Variants in SCLY observed in about 807,000 individuals in gnomAD.
The protein encoded by SCLY is selenocysteine lyase.
SCLY carries 38 observed loss-of-function variants against 50.1 expected under a neutral mutation model. That is an observed-to-expected ratio of 0.76 (90% CI 0.59 to 0.99). The LOEUF is 0.99. Ranked by LOEUF, SCLY falls within the 50% of genes least tolerant of loss-of-function variation. The probability of loss-of-function intolerance (pLI) is 0.00; values close to 1 mark genes in which losing one functional copy is unlikely to be tolerated. For missense variants in SCLY, 600 were observed against 620.0 expected (o/e 0.97, Z 0.34); for synonymous variants, 243 against 249.4 (o/e 0.97, Z 0.24).
chr2:238,061,872 A>C (rs990315408), intron 1 of SCLY, among the ~76,000 whole-genome samples: 1 of 152,032 alleles, frequency 6.6e-6, no homozygotes, highest in Non-Finnish European at 1.5e-5. Context: ...AGGGGTATGC[A>C]TTTTCTGGTT....
At position 238,098,241 on chromosome 2, in the gene SCLY, C is replaced by T. The variant is rs765272550; in HGVS notation, c.1224C>T (p.Asp408=). 5.0e-6 allele frequency: 8 copies of T among 1,610,876 alleles called. No homozygotes were observed. Among genetic ancestry groups the T allele is most frequent in the South Asian group, 2.2e-5 (2 of 91,050 alleles). ...TGCTGAGCTACGGTGTCCCCTTCGA[C>T]GTGGCCAGGAACGCGCTCCGGCTCA... is the stretch of plus-strand genomic sequence containing the variant. ...PVLLSYGVPF[D]VARNALRLSV... Residue 408 remains aspartate (D), a synonymous_variant, in exon 12 of 12, where the codon GAC becomes GAT. Transcript: ENST00000254663.
rs113609570 is a variant in SCLY at position 238,083,188 on chromosome 2, G to A, written c.778-60G>A. 11 of 1,143,880 alleles carry A rather than the reference G, an allele frequency of 9.6e-6. No homozygotes were observed. Among genetic ancestry groups the A allele is most frequent in the African/African-American group, 6.1e-5 (4 of 65,420 alleles). 70.9% of individuals were successfully genotyped at this position (1,143,880 alleles called of 1,614,324 possible). On this transcript the variant is annotated intron_variant, in intron 6 of 11. Coordinates refer to ENST00000254663, the MANE Select transcript of SCLY (RefSeq NM_016510.7). The surrounding 1 kb of genome is among the most constrained non-coding windows in gnomAD (Gnocchi z 4.3). ...CTGTGTGCCCCTAAGCACTTAGCAT[G>A]TATACAGAGTAGGTCCTTGGAAAGT...
chr2:238,091,560 G>GAC, intron 8 of SCLY: 1 of 313,486 alleles, frequency 3.2e-6, no homozygotes, highest in Non-Finnish European at 6.1e-6. Context: ...CATTCCCAAA[G>GAC]GCGTCGGCAG....
chr2:238,071,301 A>C (rs977089601), intron 4 of SCLY, among the ~76,000 whole-genome samples: 7 of 152,236 alleles, frequency 4.6e-5, no homozygotes. Context: ...AAAATATTAT[A>C]GAAAAGTATA....
intron 8 of SCLY, chr2:238,091,597 C>G (rs3739056): frequency 6.3e-6 from 2 of 317,634 alleles, no homozygotes; most frequent in South Asian, 3.1e-5. Flanking sequence ...GTTCTGTCCC[C>G]GATTGGTCTG....
At chr2:238,068,560 G>C (rs1327408614) in intron 3 of SCLY, among the ~76,000 whole-genome samples, 1 of 152,054 alleles carries the variant, frequency 6.6e-6, no homozygotes, top group Non-Finnish European at 1.5e-5. Flanking sequence ...GAAAGAAAGA[G>C]AGTAATGTGT....
At chr2:238,061,350 G>A (rs1290669858) in intron 1 of SCLY, 1 of 700,434 alleles carries the variant, frequency 1.4e-6, no homozygotes, top group Admixed American at 2.0e-5. Flanking sequence ...CCACGGAGAG[G>A]TGACTTTGGG....
At chr2:238,079,185 C>T (rs1286119793) in intron 4 of SCLY, 3 of 150,706 alleles carry the variant, frequency 2.0e-5, no homozygotes, top group East Asian at 3.9e-4. Context: ...AGTGATCCTT[C>T]CACCTCAGCT....
At position 238,068,104 on chromosome 2, in the gene SCLY, G is replaced by A; in HGVS notation, c.242G>A (p.Ser81Asn). 1 of 1,612,462 alleles carries A rather than the reference G, an allele frequency of 6.2e-7. No homozygotes were observed. Among genetic ancestry groups the A allele is most frequent in the Non-Finnish European group, 8.5e-7 (1 of 1,179,416 alleles). Residue 81 changes from serine (S) to asparagine (N), a missense_variant, in exon 3 of 12, where the codon AGC becomes AAC. Coordinates refer to ENST00000254663, the MANE Select transcript of SCLY (RefSeq NM_016510.7). ...AKDIINAARE[S>N]LAKMIGGKPQ... is the part of the protein sequence containing the mutation. ...GATATTATAAATGCAGCTCGGGAAAGCCTCGCGAAGATGATAGGGGGGAAA... is the reference window on the plus strand; with the variant it reads ...GATATTATAAATGCAGCTCGGGAAAACCTCGCGAAGATGATAGGGGGGAAA...
At chr2:238,092,920 G>T in intron 8 of SCLY, 1 of 152,828 alleles carries the variant, frequency 6.5e-6, no homozygotes, top group Non-Finnish European at 1.5e-5. Flanking sequence ...GCTAGCTTGT[G>T]CTCCTGCCTT....
chr2:238,061,170 G>T (rs1231214889), intron 1 of SCLY, 27 bp downstream of exon 1: 6 of 1,470,980 alleles, frequency 4.1e-6, no homozygotes, highest in Non-Finnish European at 4.6e-6. Context: ...CAGGGCTGGG[G>T]AGCGGCCGGC....
chr2:238,066,887 C>G lies in SCLY; in HGVS notation c.203-1178C>G, dbSNP rs570897632. ...GAGGAAGGCGAAAGAGGAGCAAAGT[C>G]ACATCTTACATGGCAGCAGAGAAGA... On this transcript the variant is annotated intron_variant, in intron 2 of 11. Coordinates refer to ENST00000254663, the MANE Select transcript of SCLY (RefSeq NM_016510.7). The surrounding 1 kb of genome is among the most constrained non-coding windows in gnomAD (Gnocchi z 4.1). Among the ~76,000 whole-genome samples, 2 of 152,160 alleles carry G rather than the reference C, an allele frequency of 1.3e-5. No homozygotes were observed. The highest frequency in any genetic ancestry group is 1.3e-4 in the Admixed American group (2 of 15,280).
rs960565691 is a variant in SCLY at position 238,098,813 on chromosome 2, G to T, written c.*458G>T. ...ATTTATAACTCATTGTCAGCCAAAT[G>T]CTATCATGAACGTAGGAAACTTGAT... On this transcript the variant is annotated 3_prime_UTR_variant, in exon 12 of 12. Coordinates refer to ENST00000254663, the MANE Select transcript of SCLY (RefSeq NM_016510.7). 1 of 339,106 alleles carries T rather than the reference G, an allele frequency of 2.9e-6. No individual in the cohort carries two copies. The highest frequency in any genetic ancestry group is 5.3e-6 in the Non-Finnish European group (1 of 189,770). 21.0% of individuals were successfully genotyped at this position (339,106 alleles called of 1,614,324 possible).
At chr2:238,078,159 G>A (rs1376148599) in intron 4 of SCLY, among the ~76,000 whole-genome samples, 1 of 152,024 alleles carries the variant, frequency 6.6e-6, no homozygotes, top group Non-Finnish European at 1.5e-5. Flanking sequence ...TCACCATGTT[G>A]GCCAGGCTGA....
At chr2:238,078,578 G>T (rs2106443941) in intron 4 of SCLY, 1 of 152,146 alleles carries the variant, frequency 6.6e-6, no homozygotes, top group South Asian at 2.1e-4. Context: ...ATTCCAGTAA[G>T]ATGTAGAAAT....
In SCLY at chr2:238,069,320, T is replaced by C. The variant is rs1324673293; in HGVS notation, c.327T>C (p.Ser109=). Residue 109 remains serine (S), a synonymous_variant, in exon 4 of 12, where the codon TCT becomes TCC. Coordinates refer to ENST00000254663, the MANE Select transcript of SCLY (RefSeq NM_016510.7). This position sits in a 1 kb window ranked among gnomAD's most constrained non-coding sequence, Gnocchi z 5.0. ...AGTCAAATAATTTAGTAATCCATTC[T>C]GTGGTGAAACATTTCCACGCAAACC... is the stretch of plus-strand genomic sequence containing the variant. ...GTESNNLVIH[S]VVKHFHANQT... The C allele has an allele frequency of 6.2e-7, 1 of 1,613,890 alleles. No individual in the cohort carries two copies. The highest frequency in any genetic ancestry group is 8.5e-7 in the Non-Finnish European group (1 of 1,179,912).
chr2:238,097,713 C>T (rs77044167), intron 11 of SCLY, among the ~76,000 whole-genome samples: 3,563 of 152,162 alleles, frequency 0.023, 141 homozygotes, highest in African/African-American at 0.082. Flanking sequence ...GCCCACATCT[C>T]GAGCCTCCAA....
intron 10 of SCLY, chr2:238,096,031 C>G (rs903937034): frequency 6.5e-6 from 1 of 152,786 alleles, no homozygotes; most frequent in Non-Finnish European, 1.5e-5. Context: ...CCTCAGCGTC[C>G]AGAGTAGCTG....
intron 10 of SCLY, chr2:238,095,944 A>G (rs2106457203): frequency 7.1e-6 from 1 of 141,840 alleles, no homozygotes; most frequent in Non-Finnish European, 1.5e-5. Context: ...TTTCACTCTT[A>G]TTGCCCAGGC....
Sources: gnomAD v4.1 joint callset for allele counts (sites outside exome capture counted in the v4.1 genomes callset) on GRCh38, gnomAD v4.1.1 for gene constraint, Gnocchi (gnomAD v3.1) non-coding constraint, MANE v1.5 for transcripts, NCBI Gene and HGNC (gene_info 2026-07-23, HGNC 2026-07-21) for gene names.